Variants in DIAPH2 observed in about 807,000 individuals in gnomAD.
DIAPH2 encodes protein diaphanous homolog 2.
A neutral mutation model predicts 92.7 loss-of-function variants in DIAPH2; 35 were observed. That is an observed-to-expected ratio of 0.38 (90% CI 0.29 to 0.50). DIAPH2 has a LOEUF of 0.50. Among genes scored for constraint, DIAPH2 ranks in the 20% least tolerant of loss-of-function variants. The pLI is 0.94. For missense variants in DIAPH2, 701 were observed against 819.5 expected (o/e 0.86, Z 1.77); for synonymous variants, 301 against 280.4 (o/e 1.07, Z -0.73).
rs57173350 is a variant in DIAPH2, at chrX:97,212,590, G to GTT, written c.2720-35108_2720-35107dup. ...AATAATGTGAATCTTAGGGTTTTTT[G>GTT]TTTTTTTTTTTTTTTTTTCAAATTG... On this transcript the variant is annotated intron_variant, in intron 22 of 26. Coordinates refer to ENST00000324765, the MANE Select transcript of DIAPH2 (RefSeq NM_006729.5). 5.2e-4 allele frequency among the ~76,000 whole-genome samples: 35 copies of GTT among 67,807 alleles called. 1 individual carries two copies. The highest frequency in any genetic ancestry group is 9.6e-3 in the Middle Eastern group (1 of 104). The allele number at this position is 67,807 out of a possible 115,157, so 58.9% of individuals were successfully genotyped here. A position where few individuals can be genotyped will look rare whatever the true frequency, so the allele number is the denominator to read the frequency against.
At chrX:97,101,337 C>T (rs1205260413) in intron 20 of DIAPH2, among the ~76,000 whole-genome samples, 2 of 110,593 alleles carry the variant, frequency 1.8e-5, no homozygotes, top group Admixed American at 1.9e-4. Context: ...CTTGGTACCA[C>T]ACTGAGGAAA....
intron 4 of DIAPH2, among the ~76,000 whole-genome samples, chrX:96,801,633 G>A (rs910571211): frequency 2.1e-4 from 23 of 111,200 alleles, no homozygotes; most frequent in Non-Finnish European, 4.0e-4. Context: ...CTGACCTCCT[G>A]TTACCACTTC....
At chrX:97,576,713 T>C (rs113730869) in intron 26 of DIAPH2, among the ~76,000 whole-genome samples, 1 of 111,435 alleles carries the variant, frequency 9.0e-6, no homozygotes, top group Non-Finnish European at 1.9e-5. Context: ...AGAATGAATT[T>C]ATTTATATAG....
Position 97,583,678 on chromosome X carries a change from T to C in DIAPH2, c.3242-15575T>C, listed in dbSNP as rs1235615193. On this transcript the variant is annotated intron_variant, in intron 26 of 26. Coordinates refer to ENST00000324765, the MANE Select transcript of DIAPH2 (RefSeq NM_006729.5). ...TGGAGCCTACAGAGGCAGGCAGGCC[T>C]CCTTGAGCTGTGGTGGGCTCCACCC... 8.9e-5 allele frequency among the ~76,000 whole-genome samples: 10 copies of C among 111,837 alleles called. No homozygotes were observed. The East Asian group carries it at 2.9e-3, about 32-fold the overall frequency.
At chrX:96,881,796 G>C in intron 5 of DIAPH2, 78 bp downstream of exon 5, 1 of 1,036,391 alleles carries the variant, frequency 9.6e-7, no homozygotes, top group East Asian at 3.2e-5. Flanking sequence ...AATAAGTTTT[G>C]TTATTTAAAC....
At chrX:96,811,344 T>C (rs1385727563) in intron 4 of DIAPH2, among the ~76,000 whole-genome samples, 2 of 111,902 alleles carry the variant, frequency 1.8e-5, no homozygotes, top group South Asian at 3.8e-4. Context: ...ATAGAAATGC[T>C]TGTGATTTTT....
At chrX:97,190,927 G>A (rs1175050162) in intron 22 of DIAPH2, among the ~76,000 whole-genome samples, 1 of 109,845 alleles carries the variant, frequency 9.1e-6, no homozygotes, top group Non-Finnish European at 1.9e-5. Context: ...AAGTCACAAG[G>A]CAAAGTTCTT....
At position 97,191,040 on chromosome X, in the gene DIAPH2, A is replaced by T. The variant is rs1166380789; in HGVS notation, c.2719+49246A>T. On this transcript the variant is annotated intron_variant, in intron 22 of 26. Coordinates refer to ENST00000324765, the MANE Select transcript of DIAPH2 (RefSeq NM_006729.5). ...GGACCTGACTCTCATACAGAGAAAT[A>T]AAAACGGGCTGGGCGCAGTGGTTCA... 2.7e-5 allele frequency among the ~76,000 whole-genome samples: 3 copies of T among 109,268 alleles called. No individual in the cohort carries two copies. In the East Asian group the frequency reaches 8.8e-4, roughly 32 times the overall value. The allele number at this position is 109,268 out of a possible 115,157, so 94.9% of individuals were successfully genotyped here.
intron 22 of DIAPH2, among the ~76,000 whole-genome samples, chrX:97,192,107 T>G (rs1215745930): frequency 9.1e-6 from 1 of 109,745 alleles, no homozygotes; most frequent in African/African-American, 3.3e-5. Context: ...CTGGCCAACA[T>G]AGTGAAACCC....
At chrX:97,220,848 C>A (rs778241934) in intron 22 of DIAPH2, among the ~76,000 whole-genome samples, 1 of 111,463 alleles carries the variant, frequency 9.0e-6, no homozygotes, top group East Asian at 2.8e-4. Flanking sequence ...TGTGTTTGTG[C>A]GTGTGTTGTA....
In DIAPH2 at chrX:97,602,049, A is replaced by AATC. The variant is rs2071599290; in HGVS notation, c.*2733_*2735dup. On this transcript the variant is annotated 3_prime_UTR_variant, in exon 27 of 27. Coordinates refer to ENST00000324765, the MANE Select transcript of DIAPH2 (RefSeq NM_006729.5). ...GGGACTACCCAGATTACTCCAGGATAATCTCCTCACCTCATGAGTCTTAAC... is the reference window on the plus strand; with the variant it reads ...GGGACTACCCAGATTACTCCAGGATAATCATCTCCTCACCTCATGAGTCTTAAC... 1 of 111,920 alleles carries AATC rather than the reference A, an allele frequency of 8.9e-6. No homozygotes were observed. Among genetic ancestry groups the AATC allele is most frequent in the South Asian group, 3.7e-4 (1 of 2,689 alleles). The allele number at this position is 111,920 out of a possible 1,213,427, so 9.2% of individuals were successfully genotyped here. A position where few individuals can be genotyped will look rare whatever the true frequency, so the allele number is the denominator to read the frequency against.
intron 23 of DIAPH2, among the ~76,000 whole-genome samples, chrX:97,302,416 A>G (rs1231749563): frequency 1.8e-5 from 2 of 108,878 alleles, no homozygotes; most frequent in Non-Finnish European, 3.8e-5. Context: ...CTGTAATCCT[A>G]GCTACCCAGG....
At chrX:96,856,080 A>G (rs747099757) in intron 4 of DIAPH2, among the ~76,000 whole-genome samples, 11 of 112,053 alleles carry the variant, frequency 9.8e-5, no homozygotes, top group Non-Finnish European at 1.7e-4. Context: ...ACAAATACCT[A>G]ACAAAAACTA....
At chrX:96,971,727 G>A (rs1218545077) in intron 17 of DIAPH2, among the ~76,000 whole-genome samples, 1 of 111,154 alleles carries the variant, frequency 9.0e-6, no homozygotes, top group Non-Finnish European at 1.9e-5. Context: ...TTCCCTAATT[G>A]TGGATATTTA....
intron 24 of DIAPH2, among the ~76,000 whole-genome samples, chrX:97,356,185 G>A (rs941340141): frequency 1.8e-5 from 2 of 111,562 alleles, no homozygotes; most frequent in Non-Finnish European, 3.8e-5. Flanking sequence ...TCTCCTTGGA[G>A]ACTAAAAACT....
chrX:97,295,877 G>A (rs757274956), intron 23 of DIAPH2, among the ~76,000 whole-genome samples: 3 of 109,007 alleles, frequency 2.8e-5, no homozygotes, highest in South Asian at 4.0e-4. Flanking sequence ...GATTACAGGC[G>A]TGCACCACCA....
rs139723123 is a variant in DIAPH2, at chrX:96,968,368, G to A, written c.2050+3161G>A. Among the ~76,000 whole-genome samples the A allele has an allele frequency of 2.7e-3, 294 of 110,102 alleles. 1 individual carries two copies. Among genetic ancestry groups the A allele is most frequent in the African/African-American group, 8.9e-3 (269 of 30,289 alleles). On this transcript the variant is annotated intron_variant, in intron 17 of 26. Transcript: ENST00000324765. ...CCAGTAGCTGGGATTACAGGTGCCCGCCACCATGCCCAGCTAATTTTTGTA... is the reference window on the plus strand; with the variant it reads ...CCAGTAGCTGGGATTACAGGTGCCCACCACCATGCCCAGCTAATTTTTGTA...
chrX:96,724,839 C>A (rs1175962726), intron 1 of DIAPH2, among the ~76,000 whole-genome samples: 1 of 111,735 alleles, frequency 8.9e-6, no homozygotes, highest in Non-Finnish European at 1.9e-5. Flanking sequence ...TTTGCTTTGA[C>A]CTGTGTATGT....
intron 17 of DIAPH2, among the ~76,000 whole-genome samples, chrX:97,003,419 C>A (rs1363661236): frequency 1.8e-5 from 2 of 111,986 alleles, no homozygotes; most frequent in Non-Finnish European, 3.8e-5. Context: ...TTCCCACCAA[C>A]AACAATATAC....
Sources: allele counts gnomAD v4.1 joint callset (sites outside exome capture counted in the v4.1 genomes callset), GRCh38; gene constraint gnomAD v4.1.1; transcripts MANE v1.5; gene names NCBI Gene and HGNC (gene_info 2026-07-23, HGNC 2026-07-21).